ADARB2: variants seen among roughly 807,000 people sequenced by gnomAD.
The protein encoded by ADARB2 is inactive double-stranded RNA-specific editase B2.
ADARB2 carries 25 observed loss-of-function variants against 62.2 expected under a neutral mutation model. The observed-to-expected ratio is 0.40, with a 90% CI of 0.29 to 0.56. ADARB2 has a LOEUF of 0.56. Among genes scored for constraint, ADARB2 ranks in the 20% least tolerant of loss-of-function variants. The pLI is 0.43. For synonymous variants in ADARB2, 572 were observed against 500.8 expected (o/e 1.14, Z -1.90); for missense variants, 1,071 against 1,077.4 (o/e 0.99, Z 0.08).
intron 1 of ADARB2, among the ~76,000 whole-genome samples, chr10:1,664,561 G>T (rs774145527): frequency 1.3e-5 from 2 of 152,216 alleles, no homozygotes; most frequent in Non-Finnish European, 2.9e-5. Flanking sequence ...TTAGCAGTTG[G>T]TAAGAAGAAT....
In ADARB2 at chr10:1,326,861, CCAGCGCCTCCCCACGGCA is replaced by C. The variant is rs1564257919; in HGVS notation, c.1077+36149_1077+36166del. On this transcript the variant is annotated intron_variant, in intron 3 of 9. Transcript: ENST00000381312. ...CCACGGCCCAGCGCCTCCCCACTGC[CCAGCGCCTCCCCACGGCA>C]CAGCGCCTCCCCACTGCCCAGCGCC... Among the ~76,000 whole-genome samples the C allele has an allele frequency of 4.5e-3, 79 of 17,664 alleles. 7 individuals carry two copies. Among genetic ancestry groups the C allele is most frequent in the Non-Finnish European group, 6.1e-3 (48 of 7,906 alleles). The allele number at this position is 17,664 out of a possible 152,430, so 11.6% of individuals were successfully genotyped here.
chr10:1,481,412 A>G (rs993772942), intron 1 of ADARB2, among the ~76,000 whole-genome samples: 14 of 152,242 alleles, frequency 9.2e-5, no homozygotes, highest in Non-Finnish European at 1.6e-4. Context: ...TCTTGGAATG[A>G]CACCAAAAGC....
chr10:1,502,706 TTG>T (rs1831781166), intron 1 of ADARB2, among the ~76,000 whole-genome samples: 1 of 152,252 alleles, frequency 6.6e-6, no homozygotes, highest in Non-Finnish European at 1.5e-5. Flanking sequence ...GAAGTCCAGG[TTG>T]TGTAGTTTAA....
intron 7 of ADARB2, among the ~76,000 whole-genome samples, chr10:1,206,883 T>TC (rs1484171307): frequency 2.0e-5 from 3 of 151,996 alleles, no homozygotes; most frequent in Non-Finnish European, 2.9e-5. Context: ...CTGGGCCGGG[T>TC]CCCCCCAGGA....
chr10:1,464,546 C>T lies in ADARB2; in HGVS notation c.101-85386G>A, dbSNP rs867571297. Among the ~76,000 whole-genome samples the T allele has an allele frequency of 7.8e-4, 59 of 75,160 alleles. 1 individual carries two copies. Among genetic ancestry groups the T allele is most frequent in the African/African-American group, 2.5e-3 (57 of 22,900 alleles). 49.3% of individuals were successfully genotyped at this position (75,160 alleles called of 152,430 possible). A position where few individuals can be genotyped will look rare whatever the true frequency, so the allele number is the denominator to read the frequency against. On this transcript the variant is annotated intron_variant, in intron 1 of 9. Coordinates refer to ENST00000381312, the MANE Select transcript of ADARB2 (RefSeq NM_018702.4). ...GGGTGGACACACACTCCCCCACACACGCGCTGGGGGCAGTCACAGCGGGCA... is the reference window on the plus strand; with the variant it reads ...GGGTGGACACACACTCCCCCACACATGCGCTGGGGGCAGTCACAGCGGGCA...
intron 1 of ADARB2, among the ~76,000 whole-genome samples, chr10:1,707,332 G>C (rs1834902715): frequency 6.6e-6 from 1 of 152,218 alleles, no homozygotes; most frequent in African/African-American, 2.4e-5. Context: ...GTCCCACGGG[G>C]CTTCAAATCC....
rs555330681 is a variant in ADARB2 at position 1,486,681 on chromosome 10, G to T, written c.101-107521C>A. 3.9e-5 allele frequency among the ~76,000 whole-genome samples: 6 copies of T among 152,200 alleles called. No individual in the cohort carries two copies. In the South Asian group the frequency reaches 1.0e-3, roughly 26 times the overall value. On this transcript the variant is annotated intron_variant, in intron 1 of 9. Transcript: ENST00000381312. ...GAAAAAGCAGGGGTGCAAAAGAAAC[G>T]ACGGCCAGCCATCAGCATCAGCCTC...
intron 1 of ADARB2, among the ~76,000 whole-genome samples, chr10:1,617,279 G>A (rs1417630017): frequency 1.4e-5 from 2 of 144,734 alleles, no homozygotes; most frequent in Admixed American, 6.9e-5. Context: ...GCATTCTGTT[G>A]CTAGATGTTT....
intron 1 of ADARB2, among the ~76,000 whole-genome samples, chr10:1,561,827 C>T (rs112849383): frequency 0.021 from 3,141 of 152,346 alleles, 42 homozygotes; most frequent in Non-Finnish European, 0.031. Context: ...TTCCCCAGCA[C>T]CGCCGCTCCC....
chr10:1,254,607 T>C (rs924865033), intron 4 of ADARB2, among the ~76,000 whole-genome samples: 2 of 152,240 alleles, frequency 1.3e-5, no homozygotes, highest in Admixed American at 1.3e-4. Flanking sequence ...GTTATTCTTA[T>C]GGTCAGGTGA....
At chr10:1,641,642 C>T (rs1008542662) in intron 1 of ADARB2, among the ~76,000 whole-genome samples, 2 of 152,198 alleles carry the variant, frequency 1.3e-5, no homozygotes, top group African/African-American at 2.4e-5. Context: ...TCCATCTGCA[C>T]GTCTTACCAG....
chr10:1,196,206 CTTT>C (rs10665720), intron 8 of ADARB2, among the ~76,000 whole-genome samples: 15 of 120,884 alleles, frequency 1.2e-4, no homozygotes, highest in Middle Eastern at 4.2e-3. Context: ...CTTCTTTTGC[CTTT>C]TTTTTTTTTT....
Position 1,263,003 on chromosome 10 carries a change from C to G in ADARB2, c.1192+7952G>C, listed in dbSNP as rs9664983. ...GTAGGGACATGGATGAAACTGGAAACCATCATTCTCAGCAAACTATCACAA... is the reference window on the plus strand; with the variant it reads ...GTAGGGACATGGATGAAACTGGAAAGCATCATTCTCAGCAAACTATCACAA... On this transcript the variant is annotated intron_variant, in intron 4 of 9. Transcript: ENST00000381312. 1.5e-4 allele frequency among the ~76,000 whole-genome samples: 22 copies of G among 151,590 alleles called. No individual in the cohort carries two copies. The East Asian group carries it at 3.7e-3, about 25-fold the overall frequency.
chr10:1,513,637 G>A (rs1831966642), intron 1 of ADARB2, among the ~76,000 whole-genome samples: 1 of 152,192 alleles, frequency 6.6e-6, no homozygotes. Flanking sequence ...CCTGAGGAGA[G>A]GGGCAGGGGT....
At chr10:1,368,718 C>G (rs1488033167) in intron 2 of ADARB2, among the ~76,000 whole-genome samples, 2 of 152,226 alleles carry the variant, frequency 1.3e-5, no homozygotes, top group Non-Finnish European at 2.9e-5. Flanking sequence ...CCTACTGAGT[C>G]AGGTAACAGT....
At chr10:1,268,196 A>G (rs1030226382) in intron 4 of ADARB2, among the ~76,000 whole-genome samples, 7 of 152,360 alleles carry the variant, frequency 4.6e-5, no homozygotes, top group Middle Eastern at 3.4e-3. Flanking sequence ...CTAGAAATAT[A>G]GAAGTATGTA....
chr10:1,369,409 G>A (rs2805583), intron 2 of ADARB2, among the ~76,000 whole-genome samples: 16,230 of 151,896 alleles, frequency 0.11, 2,292 homozygotes, highest in African/African-American at 0.33. Context: ...GGGGACTATC[G>A]GCCTCCCCTC....
chr10:1,436,530 G>C (rs2805550), intron 1 of ADARB2, among the ~76,000 whole-genome samples: 4,998 of 152,168 alleles, frequency 0.033, 274 homozygotes, highest in African/African-American at 0.11. Flanking sequence ...TTGTAGTATT[G>C]TAACCATCTT....
chr10:1,533,514 G>T (rs986141315), intron 1 of ADARB2, among the ~76,000 whole-genome samples: 2 of 152,050 alleles, frequency 1.3e-5, no homozygotes, highest in Non-Finnish European at 1.5e-5. Context: ...AGGAAACCAA[G>T]GCTACGCTGG....
Sources: allele counts gnomAD v4.1 joint callset (sites outside exome capture counted in the v4.1 genomes callset), GRCh38; gene constraint gnomAD v4.1.1; transcripts MANE v1.5; gene names NCBI Gene and HGNC (gene_info 2026-07-23, HGNC 2026-07-21).